BCAS3: variants seen among roughly 807,000 people sequenced by gnomAD.
BCAS3 encodes BCAS4/BCAS3 fusion.
Under a neutral mutation model 116.1 loss-of-function variants are expected in BCAS3, and 53 were observed. The observed-to-expected ratio is 0.46, with a 90% CI of 0.37 to 0.57. The LOEUF is 0.57. BCAS3 is among the 20% of genes least tolerant of loss of function. The pLI is 0.00. For missense variants in BCAS3, 917 were observed against 1,165.4 expected, an observed-to-expected ratio of 0.79 and a Z score of 3.10; for synonymous variants, 391 against 408.2, an observed-to-expected ratio of 0.96 and a Z score of 0.51.
chr17:61,274,839 A>G (rs1456486922), intron 22 of BCAS3, among the ~76,000 whole-genome samples: 1 of 152,158 alleles, frequency 6.6e-6, no homozygotes, highest in East Asian at 1.9e-4. Context: ...TTGTCTGTGT[A>G]GAAAAACCCA....
chr17:61,169,536 G>A (rs1428158380), intron 22 of BCAS3, among the ~76,000 whole-genome samples: 1 of 152,038 alleles, frequency 6.6e-6, no homozygotes, highest in East Asian at 1.9e-4. Context: ...GCCTCCCAAA[G>A]TGCTAGGATT....
intron 19 of BCAS3, among the ~76,000 whole-genome samples, chr17:61,044,813 C>A (rs1568206698): frequency 6.7e-6 from 1 of 149,500 alleles, no homozygotes; most frequent in South Asian, 2.1e-4. Flanking sequence ...TGCTCTGTTG[C>A]CAGGCTGGAG....
chr17:60,785,930 C>T (rs1024856965), intron 6 of BCAS3, among the ~76,000 whole-genome samples: 21 of 152,156 alleles, frequency 1.4e-4, no homozygotes, highest in African/African-American at 5.1e-4. Context: ...TAACCATTTA[C>T]ATAGCATTCA....
At chr17:61,120,296 A>G (rs908190831) in intron 22 of BCAS3, among the ~76,000 whole-genome samples, 2 of 152,246 alleles carry the variant, frequency 1.3e-5, no homozygotes, top group South Asian at 2.1e-4. Context: ...GGATTCAACA[A>G]TTGCTAACAT....
chr17:61,074,198 T>C (rs1173991200), intron 19 of BCAS3, among the ~76,000 whole-genome samples: 1 of 150,504 alleles, frequency 6.6e-6, no homozygotes, highest in South Asian at 2.1e-4. Flanking sequence ...TTAGCTCAAC[T>C]TTGCTGTGAA....
chr17:61,237,588 C>T (rs951283385), intron 22 of BCAS3, among the ~76,000 whole-genome samples: 5 of 152,150 alleles, frequency 3.3e-5, no homozygotes, highest in Non-Finnish European at 7.3e-5. Flanking sequence ...CTCGAAGGTC[C>T]GCAGCTTCAT....
Position 61,015,802 on chromosome 17 carries a change from G to C in BCAS3, c.1538G>C (p.Gly513Ala). 6.2e-7 allele frequency: 1 copy of C among 1,613,870 alleles called. No homozygotes were observed. Among genetic ancestry groups the C allele is most frequent in the Non-Finnish European group, 8.5e-7 (1 of 1,179,902 alleles). The change falls in exon 16 of 24, where the codon GGC (glycine) becomes GCC (alanine). Residue 513 changes from glycine (G) to alanine (A), a missense_variant. Gly to Ala is a moderately conservative substitution (Grantham distance 60). Transcript: ENST00000407086. ...AACAATTTTACCAACAACAACCCTG[G>C]CAACCCTCGGCTCTCTCCTCTTCCC... ...SYNNFTNNNP[G>A]NPRLSPLPSL...
In BCAS3 at chr17:61,151,688, G is replaced by A. The variant is rs1424778925; in HGVS notation, c.2425+67124G>A. Among the ~76,000 whole-genome samples, 1 of 152,050 alleles carries A rather than the reference G, an allele frequency of 6.6e-6. No individual in the cohort carries two copies. Among genetic ancestry groups the A allele is most frequent in the Non-Finnish European group, 1.5e-5 (1 of 68,010 alleles). On this transcript the variant is annotated intron_variant, in intron 22 of 23. Coordinates refer to ENST00000407086, the MANE Select transcript of BCAS3 (RefSeq NM_017679.5). This position sits in a 1 kb window ranked among gnomAD's most constrained non-coding sequence, Gnocchi z 4.8. ...ACCCAGACTGGTCTTGAATTCCTGGGCTCAAGTGAGCCTCCTGCCTTGGCC... is the reference window on the plus strand; with the variant it reads ...ACCCAGACTGGTCTTGAATTCCTGGACTCAAGTGAGCCTCCTGCCTTGGCC...
At chr17:61,040,757 G>A (rs779916921) in intron 18 of BCAS3, 35 bp from the exon 19 acceptor site, 2 of 1,528,570 alleles carry the variant, frequency 1.3e-6, no homozygotes, top group Non-Finnish European at 1.8e-6. Context: ...CATCTATTAA[G>A]CTTAAATATT....
intron 6 of BCAS3, among the ~76,000 whole-genome samples, chr17:60,801,416 T>C (rs542457265): frequency 6.6e-6 from 1 of 152,252 alleles, no homozygotes; most frequent in East Asian, 1.9e-4. Flanking sequence ...GTAATTTTTA[T>C]GTAACCAATC....
intron 22 of BCAS3, among the ~76,000 whole-genome samples, chr17:61,129,050 A>G (rs2076195460): frequency 1.3e-5 from 2 of 152,206 alleles, no homozygotes; most frequent in African/African-American, 2.4e-5. Context: ...GACAGGAAAC[A>G]CTTTTGAAAG....
intron 22 of BCAS3, among the ~76,000 whole-genome samples, chr17:61,310,003 C>T (rs1293326617): frequency 1.3e-5 from 2 of 151,952 alleles, no homozygotes; most frequent in Admixed American, 6.5e-5. Context: ...AATAGGAAGC[C>T]ATATCCCAGC....
chr17:60,815,369 A>G (rs1222701173), intron 7 of BCAS3, among the ~76,000 whole-genome samples: 1 of 152,064 alleles, frequency 6.6e-6, no homozygotes, highest in African/African-American at 2.4e-5. Context: ...GGTGCAGCAC[A>G]CTAACATGGC....
At chr17:61,345,073 C>T (rs1017428768) in intron 22 of BCAS3, among the ~76,000 whole-genome samples, 1 of 152,176 alleles carries the variant, frequency 6.6e-6, no homozygotes, top group African/African-American at 2.4e-5. Flanking sequence ...TCCTCCACCT[C>T]GGGATGCCAC....
intron 23 of BCAS3, among the ~76,000 whole-genome samples, chr17:61,370,412 C>T (rs952280200): frequency 1.6e-4 from 25 of 151,646 alleles, no homozygotes; most frequent in African/African-American, 5.6e-4. Context: ...TTTTTTAAGG[C>T]GGAGTCTTGC....
intron 22 of BCAS3, among the ~76,000 whole-genome samples, chr17:61,292,838 A>G (rs542543460): frequency 6.6e-6 from 1 of 152,294 alleles, no homozygotes; most frequent in Admixed American, 6.5e-5. Flanking sequence ...AAGTATGTGA[A>G]TTTCATTTTT....
intron 6 of BCAS3, among the ~76,000 whole-genome samples, chr17:60,769,510 C>T (rs1464527042): frequency 6.6e-6 from 1 of 152,218 alleles, no homozygotes; most frequent in African/African-American, 2.4e-5. Flanking sequence ...CTAGCCCCAC[C>T]TCCAGCCCCA....
intron 7 of BCAS3, among the ~76,000 whole-genome samples, chr17:60,830,850 G>GTT (rs200560565): frequency 3.0e-4 from 42 of 139,588 alleles, no homozygotes; most frequent in African/African-American, 8.0e-4. Flanking sequence ...TAATTTTTGG[G>GTT]TTTTTTTTTT....
chr17:60,832,339 G>A (rs2051012980), intron 7 of BCAS3, among the ~76,000 whole-genome samples: 1 of 152,176 alleles, frequency 6.6e-6, no homozygotes, highest in African/African-American at 2.4e-5. Flanking sequence ...TGGAATCAAA[G>A]TGGTGCTTCA....
Sources: gnomAD v4.1 joint callset for allele counts (sites outside exome capture counted in the v4.1 genomes callset) on GRCh38, gnomAD v4.1.1 for gene constraint, Gnocchi (gnomAD v3.1) non-coding constraint, MANE v1.5 for transcripts, NCBI Gene and HGNC (gene_info 2026-07-23, HGNC 2026-07-21) for gene names.